Variants in SERGEF observed in about 807,000 individuals in gnomAD.
The protein encoded by SERGEF is secretion regulating guanine nucleotide exchange factor.
A neutral mutation model predicts 50.0 loss-of-function variants in SERGEF; 51 were observed. That is an observed-to-expected ratio of 1.02 (90% confidence interval 0.81 to 1.29). The LOEUF (loss-of-function observed/expected upper bound fraction) is 1.29. Among genes scored for constraint, SERGEF ranks in the 50% most tolerant of loss-of-function variants. The pLI is 0.00. For missense variants in SERGEF, 521 were observed against 557.0 expected (o/e 0.94, Z 0.65); for synonymous variants, 205 against 212.4 (o/e 0.97, Z 0.30).
intron 9 of SERGEF, among the ~76,000 whole-genome samples, chr11:17,898,485 C>T (rs985449730): frequency 1.3e-5 from 2 of 152,158 alleles, no homozygotes; most frequent in African/African-American, 4.8e-5. Flanking sequence ...ACAGGACTAT[C>T]CTAAGAGTTG....
chr11:17,813,782 A>G (rs879137214), intron 10 of SERGEF, among the ~76,000 whole-genome samples: 1 of 152,208 alleles, frequency 6.6e-6, no homozygotes, highest in Admixed American at 6.5e-5. Context: ...TTAGAGAAGC[A>G]GATTGAAAAC....
At chr11:17,863,863 T>A (rs1023024124) in intron 10 of SERGEF, among the ~76,000 whole-genome samples, 1 of 152,238 alleles carries the variant, frequency 6.6e-6, no homozygotes, top group Admixed American at 6.5e-5. Flanking sequence ...ATTGCATGCA[T>A]GGCAAGTATA....
intron 9 of SERGEF, among the ~76,000 whole-genome samples, chr11:17,945,410 T>A (rs1590211661): frequency 6.6e-6 from 1 of 152,370 alleles, no homozygotes; most frequent in South Asian, 2.1e-4. Context: ...TGGTGGCTAC[T>A]AGCCACATGT....
chr11:17,946,214 C>T (rs1241363328), intron 9 of SERGEF, among the ~76,000 whole-genome samples: 1 of 152,144 alleles, frequency 6.6e-6, no homozygotes, highest in Non-Finnish European at 1.5e-5. Context: ...TATGCAGTAG[C>T]ATAGGTTTTG....
At chr11:17,870,303 T>C (rs904533057) in intron 10 of SERGEF, among the ~76,000 whole-genome samples, 6 of 152,212 alleles carry the variant, frequency 3.9e-5, no homozygotes, top group African/African-American at 1.4e-4. Context: ...GAGATTATGC[T>C]GGATTATCCA....
At chr11:17,923,606 G>A (rs1355266889) in intron 9 of SERGEF, among the ~76,000 whole-genome samples, 2 of 152,204 alleles carry the variant, frequency 1.3e-5, no homozygotes, top group African/African-American at 4.8e-5. Flanking sequence ...CAGACTCACT[G>A]GGAAGGGAGG....
intron 9 of SERGEF, among the ~76,000 whole-genome samples, chr11:17,942,250 A>C (rs1311787100): frequency 2.0e-5 from 3 of 152,164 alleles, no homozygotes; most frequent in African/African-American, 4.8e-5. Context: ...TGAGTGTGAT[A>C]TCTCTCTCCA....
In SERGEF at chr11:17,992,985, T is replaced by G; in HGVS notation, c.631A>C (p.Asn211His). ...GCAAGAACACACATTGCTTTAGAAT[T>G]CTCTAGACCTACAAAAGAAAAAATG... The part of the protein sequence containing the change: ...KEPSRVTGLE[N>H]SKAMCVLAGS... The change falls in exon 7 of 11, where the codon AAT (asparagine) becomes CAT (histidine). Residue 211 changes from asparagine to histidine, a missense_variant. Transcript: ENST00000265965. The G allele has an allele frequency of 6.2e-7, 1 of 1,613,882 alleles. No individual in the cohort carries two copies. Among genetic ancestry groups the G allele is most frequent in the Non-Finnish European group, 8.5e-7 (1 of 1,179,792 alleles).
At chr11:17,972,409 C>T (rs1395017397) in intron 8 of SERGEF, among the ~76,000 whole-genome samples, 1 of 152,142 alleles carries the variant, frequency 6.6e-6, no homozygotes, top group Non-Finnish European at 1.5e-5. Context: ...CAGTCAGCAG[C>T]CATCAACATC....
chr11:17,935,249 C>CAGG lies in SERGEF; in HGVS notation c.1011+24218_1011+24220dup, dbSNP rs555446655. 3.0e-4 allele frequency among the ~76,000 whole-genome samples: 46 copies of CAGG among 152,246 alleles called. No homozygotes were observed. The South Asian group carries it at 9.5e-3, about 32-fold the overall frequency. ...TTCCCAGCACCTTGGGTGGCCAAGG[C>CAGG]AGGAGGATTGCTTGAGGCCAGTAGT... On this transcript the variant is annotated intron_variant, in intron 9 of 10. Coordinates refer to ENST00000265965, the MANE Select transcript of SERGEF (RefSeq NM_012139.4).
chr11:17,953,005 A>C (rs959710019), intron 9 of SERGEF, among the ~76,000 whole-genome samples: 1 of 152,024 alleles, frequency 6.6e-6, no homozygotes, highest in African/African-American at 2.4e-5. Flanking sequence ...TGCTCCCTTG[A>C]GCACTAATTT....
intron 8 of SERGEF, among the ~76,000 whole-genome samples, chr11:17,972,023 G>A (rs937913131): frequency 1.4e-4 from 21 of 152,200 alleles, no homozygotes; most frequent in Admixed American, 9.2e-4. Flanking sequence ...AGAATTATAC[G>A]TAGAGCCTAA....
At chr11:17,985,431 A>G in intron 8 of SERGEF, among the ~76,000 whole-genome samples, 1 of 152,118 alleles carries the variant, frequency 6.6e-6, no homozygotes, top group Non-Finnish European at 1.5e-5. Context: ...CTGCCATCCA[A>G]CTCTCATTAA....
At chr11:17,934,927 A>T (rs1475772426) in intron 9 of SERGEF, among the ~76,000 whole-genome samples, 1 of 152,132 alleles carries the variant, frequency 6.6e-6, no homozygotes, top group African/African-American at 2.4e-5. Flanking sequence ...CAAAGACATG[A>T]CCCAGGTCCT....
chr11:17,851,487 C>G (rs2133872630), intron 10 of SERGEF, among the ~76,000 whole-genome samples: 1 of 152,046 alleles, frequency 6.6e-6, no homozygotes, highest in South Asian at 2.1e-4. Context: ...CTATAGAGCC[C>G]CCGCACATGA....
rs923808463 is a variant in SERGEF at position 17,796,328 on chromosome 11, G to T, written c.1049-7915C>A. 1.2e-4 allele frequency among the ~76,000 whole-genome samples: 19 copies of T among 152,264 alleles called. 1 individual carries two copies. The highest frequency in any genetic ancestry group is 4.3e-4 in the African/African-American group (18 of 41,540). ...AGGACACAGGCACTGTCAGTGTTGGGCCCTGCTATGGTTTGAATGTGTTCC... is the reference window on the plus strand; with the variant it reads ...AGGACACAGGCACTGTCAGTGTTGGTCCCTGCTATGGTTTGAATGTGTTCC... On this transcript the variant is annotated intron_variant, in intron 10 of 10. Transcript: ENST00000265965.
intron 2 of SERGEF, among the ~76,000 whole-genome samples, chr11:18,007,057 G>A (rs1854089128): frequency 6.6e-6 from 1 of 152,262 alleles, no homozygotes; most frequent in Non-Finnish European, 1.5e-5. Context: ...TGTTTTAAGA[G>A]CTTTTTGTGC....
At chr11:18,008,376 T>C (rs536755436) in intron 1 of SERGEF, among the ~76,000 whole-genome samples, 43 of 152,346 alleles carry the variant, frequency 2.8e-4, no homozygotes, top group South Asian at 1.4e-3. Flanking sequence ...AGGAAATTCA[T>C]GTCCAGGAAA....
chr11:17,880,624 G>A (rs1314184820), intron 9 of SERGEF, among the ~76,000 whole-genome samples: 8 of 151,398 alleles, frequency 5.3e-5, no homozygotes, highest in African/African-American at 9.7e-5. Flanking sequence ...TCTATACTCC[G>A]AATTTTATAC....
Sources: gnomAD v4.1 joint callset for allele counts (sites outside exome capture counted in the v4.1 genomes callset) on GRCh38, gnomAD v4.1.1 for gene constraint, MANE v1.5 for transcripts, NCBI Gene and HGNC (gene_info 2026-07-23, HGNC 2026-07-21) for gene names.